The following ITGB3BP variants were observed in gnomAD, a reference collection of about 807,000 sequenced individuals.
ITGB3BP encodes centromere protein R.
Under a neutral mutation model 29.1 loss-of-function variants are expected in ITGB3BP, and 27 were observed. The observed-to-expected ratio is 0.93, with a 90% CI of 0.68 to 1.28. The LOEUF is 1.28. Among genes scored for constraint, ITGB3BP ranks in the 50% most tolerant of loss-of-function variants. ITGB3BP has a pLI of 0.00. For synonymous variants in ITGB3BP, 61 were observed against 61.4 expected (o/e 0.99, Z 0.03); for missense variants, 192 against 200.2 (o/e 0.96, Z 0.25).
intron 3 of ITGB3BP, among the ~76,000 whole-genome samples, chr1:63,486,805 G>A (rs1645539641): frequency 6.6e-6 from 1 of 151,972 alleles, no homozygotes; most frequent in African/African-American, 2.4e-5. Flanking sequence ...CGAGAACCAT[G>A]AGATCATTTT....
chr1:63,463,249 CA>C (rs10693054), intron 4 of ITGB3BP, among the ~76,000 whole-genome samples: 2,401 of 76,978 alleles, frequency 0.031, 39 homozygotes, highest in African/African-American at 0.12. Flanking sequence ...AACTCTGTCT[CA>C]AAAAAAAAAA....
intron 2 of ITGB3BP, among the ~76,000 whole-genome samples, chr1:63,499,028 T>C (rs1342724618): frequency 6.6e-6 from 1 of 152,046 alleles, no homozygotes; most frequent in Non-Finnish European, 1.5e-5. Flanking sequence ...CATACCAGGA[T>C]TGAATTATGG....
At chr1:63,494,330 G>C (rs1340965246) in intron 2 of ITGB3BP, among the ~76,000 whole-genome samples, 2 of 152,154 alleles carry the variant, frequency 1.3e-5, no homozygotes, top group Admixed American at 1.3e-4. Flanking sequence ...TGTTCACCAG[G>C]TTGGTCTCCA....
At position 63,455,629 on chromosome 1, in the gene ITGB3BP, C is replaced by T. The variant is rs567800529; in HGVS notation, c.255-661G>A. On this transcript the variant is annotated intron_variant, in intron 4 of 8. Coordinates refer to ENST00000271002, the MANE Select transcript of ITGB3BP (RefSeq NM_014288.5). ...CTGGCTGTGCTTTCTTTACTTAATA[C>T]AATATTATATACATTTTGGGGGGCC... Among the ~76,000 whole-genome samples the T allele has an allele frequency of 1.3e-4, 20 of 152,032 alleles. No homozygotes were observed. The South Asian group carries it at 4.2e-3, about 32-fold the overall frequency.
Position 63,440,932 on chromosome 1 carries a change from G to A in ITGB3BP, c.*173C>T, listed in dbSNP as rs1003701221. 7 of 152,626 alleles carry A rather than the reference G, an allele frequency of 4.6e-5. No individual in the cohort carries two copies. Among genetic ancestry groups the A allele is most frequent in the Non-Finnish European group, 8.8e-5 (6 of 68,040 alleles). 9.5% of individuals were successfully genotyped at this position (152,626 alleles called of 1,614,324 possible). ...TTACATTGAGATTATCTACTGGTGC[G>A]TGTAGAAAGTTTAAATTAGCTGCAA... On this transcript the variant is annotated 3_prime_UTR_variant, in exon 9 of 9. Coordinates refer to ENST00000271002, the MANE Select transcript of ITGB3BP (RefSeq NM_014288.5).
chr1:63,482,270 C>CAA (rs376500389), intron 3 of ITGB3BP, among the ~76,000 whole-genome samples: 26,692 of 59,162 alleles, frequency 0.45, 7,656 homozygotes, highest in East Asian at 0.71. Context: ...GACTCCATCT[C>CAA]AAAAAAAAAA....
intron 4 of ITGB3BP, among the ~76,000 whole-genome samples, chr1:63,467,258 T>C (rs1298818625): frequency 1.3e-5 from 2 of 152,166 alleles, no homozygotes; most frequent in African/African-American, 2.4e-5. Flanking sequence ...ACATTTAGTG[T>C]TCTCATATCA....
intron 2 of ITGB3BP, among the ~76,000 whole-genome samples, chr1:63,506,440 C>G (rs560045914): frequency 6.6e-6 from 1 of 152,274 alleles, no homozygotes; most frequent in African/African-American, 2.4e-5. Flanking sequence ...GAGCCTTATT[C>G]ACTACCACGA....
At chr1:63,506,988 TACTAGAG>T (rs1488690590) in intron 2 of ITGB3BP, among the ~76,000 whole-genome samples, 3 of 152,206 alleles carry the variant, frequency 2.0e-5, no homozygotes, top group Admixed American at 6.6e-5. Flanking sequence ...GCTAAGTTGT[TACTAGAG>T]TAGATGAAGT....
intron 1 of ITGB3BP, among the ~76,000 whole-genome samples, chr1:63,516,712 G>GAAA (rs60397963): frequency 4.6e-4 from 53 of 115,892 alleles, no homozygotes; most frequent in African/African-American, 7.0e-4. Context: ...CTTGTTTCAT[G>GAAA]AAAAAAAAAA....
chr1:63,510,027 A>T, intron 1 of ITGB3BP: 1 of 540,392 alleles, frequency 1.9e-6, no homozygotes, highest in Non-Finnish European at 3.4e-6. Flanking sequence ...TGTCTGTACT[A>T]AAAATACAAA....
At chr1:63,470,117 T>C (rs1337743637) in intron 4 of ITGB3BP, among the ~76,000 whole-genome samples, 21 of 152,330 alleles carry the variant, frequency 1.4e-4, no homozygotes. Context: ...TTAATATCTA[T>C]AGAAACAATG....
intron 2 of ITGB3BP, among the ~76,000 whole-genome samples, chr1:63,508,193 G>C (rs962110290): frequency 2.0e-5 from 3 of 151,990 alleles, no homozygotes; most frequent in Admixed American, 1.3e-4. Context: ...TAAAAGTACT[G>C]CCATTGTCCC....
intron 2 of ITGB3BP, among the ~76,000 whole-genome samples, chr1:63,505,034 T>G (rs182478838): frequency 2.0e-4 from 31 of 152,352 alleles, no homozygotes; most frequent in Admixed American, 1.4e-3. Flanking sequence ...ATAAAATGCA[T>G]CAGGGAGGAT....
intron 4 of ITGB3BP, among the ~76,000 whole-genome samples, chr1:63,476,916 A>T (rs1645350129): frequency 2.6e-5 from 4 of 152,248 alleles, no homozygotes; most frequent in Admixed American, 2.6e-4. Flanking sequence ...ATGTTAAAAA[A>T]CATTAAATAA....
chr1:63,508,342 C>T lies in ITGB3BP; in HGVS notation c.48+186G>A, dbSNP rs548970581. ...AACACCTCAAGCTGGCCAGGAACTT[C>T]CACATATTAGATTCACAAAAACTAA... On this transcript the variant is annotated intron_variant, in intron 2 of 8. Coordinates refer to ENST00000271002, the MANE Select transcript of ITGB3BP (RefSeq NM_014288.5). Among the ~76,000 whole-genome samples the T allele has an allele frequency of 4.8e-4, 73 of 152,056 alleles. 1 individual carries two copies. The South Asian group carries it at 0.012, about 26-fold the overall frequency.
chr1:63,516,292 G>A (rs1364790484), intron 1 of ITGB3BP, among the ~76,000 whole-genome samples: 4 of 43,184 alleles, frequency 9.3e-5, no homozygotes, highest in Non-Finnish European at 1.5e-4. Flanking sequence ...GCAAGACCAT[G>A]TCTCAAAAAA....
intron 2 of ITGB3BP, among the ~76,000 whole-genome samples, chr1:63,507,229 C>T (rs542382624): frequency 5.9e-5 from 9 of 152,282 alleles, no homozygotes; most frequent in Admixed American, 5.9e-4. Context: ...ACTGGTACTA[C>T]TAAATCAGTT....
upstream of ITGB3BP, among the ~76,000 whole-genome samples, chr1:63,524,607 T>C (rs1315154035): frequency 6.6e-6 from 1 of 152,232 alleles, no homozygotes; most frequent in Non-Finnish European, 1.5e-5. Context: ...GTTGGAGATC[T>C]ATTTTTAGAA....
Sources: gnomAD v4.1 joint callset for allele counts (sites outside exome capture counted in the v4.1 genomes callset) on GRCh38, gnomAD v4.1.1 for gene constraint, MANE v1.5 for transcripts, NCBI Gene and HGNC (gene_info 2026-07-23, HGNC 2026-07-21) for gene names.